ANXA4: variants seen among roughly 807,000 people sequenced by gnomAD.
ANXA4 encodes annexin A4.
Under a neutral mutation model 49.8 loss-of-function variants are expected in ANXA4, and 39 were observed. The observed-to-expected ratio is 0.78, with a 90% CI of 0.61 to 1.02. The LOEUF is 1.02. ANXA4 is among the 50% of genes least tolerant of loss of function. ANXA4 has a pLI of 0.00. For synonymous variants in ANXA4, 134 were observed against 152.5 expected (o/e 0.88, Z 0.89); for missense variants, 360 against 410.1 (o/e 0.88, Z 1.05).
At position 69,764,941 on chromosome 2, in the gene ANXA4, T is replaced by A. The variant is rs184815083; in HGVS notation, c.-46-16579T>A. On this transcript the variant is annotated intron_variant, in intron 1 of 12. Transcript: ENST00000394295. ...TATAAGTGGATTCATGTAGTATTCA[T>A]CCTTTTGTGACTGGCTTATTTCACT... Among the ~76,000 whole-genome samples the A allele has an allele frequency of 5.3e-5, 8 of 150,652 alleles. No individual in the cohort carries two copies. The East Asian group carries it at 1.6e-3, about 30-fold the overall frequency.
intron 12 of ANXA4, 30 bp downstream of exon 12, chr2:69,820,851 A>G: frequency 1.9e-6 from 3 of 1,608,978 alleles, no homozygotes; most frequent in South Asian, 1.1e-5. Flanking sequence ...GTCCAGAGTA[A>G]AGGATCCAGA....
At chr2:69,750,066 T>C (rs868158859) in intron 1 of ANXA4, among the ~76,000 whole-genome samples, 3 of 152,344 alleles carry the variant, frequency 2.0e-5, no homozygotes, top group South Asian at 2.1e-4. Context: ...CTTGTTGTTA[T>C]GTACTTATTT....
intron 1 of ANXA4, among the ~76,000 whole-genome samples, chr2:69,764,365 A>G (rs1191515089): frequency 2.0e-5 from 3 of 152,238 alleles, no homozygotes; most frequent in Non-Finnish European, 2.9e-5. Flanking sequence ...GAAACATGAT[A>G]TAACCCTAAC....
chr2:69,676,738 C>G (rs1447455504), intron 2 of ANXA4, among the ~76,000 whole-genome samples: 1 of 152,034 alleles, frequency 6.6e-6, no homozygotes, highest in African/African-American at 2.4e-5. Flanking sequence ...ACCAAAAATA[C>G]AAAAATTAGC....
intron 3 of ANXA4, among the ~76,000 whole-genome samples, chr2:69,733,955 A>ATT (rs903124243): frequency 5.8e-4 from 83 of 142,440 alleles, no homozygotes; most frequent in African/African-American, 2.0e-3. Context: ...GGGATGAGCT[A>ATT]TTTTTTTTTT....
intron 2 of ANXA4, among the ~76,000 whole-genome samples, chr2:69,719,538 T>C (rs6711807): frequency 0.43 from 65,449 of 151,140 alleles, 19,086 homozygotes; most frequent in African/African-American, 0.83. Context: ...CTCCCGGGTT[T>C]GAGTGATTCT....
chr2:69,653,672 C>T (rs1408943657), intron 2 of ANXA4, among the ~76,000 whole-genome samples: 1 of 152,214 alleles, frequency 6.6e-6, no homozygotes, highest in East Asian at 1.9e-4. Flanking sequence ...CTTGCCTAAG[C>T]TGAGAACTCT....
At chr2:69,758,675 G>A (rs894996696) in intron 1 of ANXA4, among the ~76,000 whole-genome samples, 4 of 152,066 alleles carry the variant, frequency 2.6e-5, no homozygotes, top group African/African-American at 9.7e-5. Flanking sequence ...TCAATTTTAC[G>A]CCTAAATATT....
intron 1 of ANXA4, among the ~76,000 whole-genome samples, chr2:69,767,731 A>G (rs535783419): frequency 1.3e-5 from 2 of 152,288 alleles, no homozygotes; most frequent in Non-Finnish European, 2.9e-5. Context: ...TCCATCAGAT[A>G]AGTCTGGAAG....
At chr2:69,645,139 T>A (rs899510980) in intron 1 of ANXA4, among the ~76,000 whole-genome samples, 1 of 152,142 alleles carries the variant, frequency 6.6e-6, no homozygotes, top group African/African-American at 2.4e-5. Context: ...GGGAAAAAAA[T>A]GGTTCTTGCT....
At chr2:69,682,708 A>C (rs1677641514) in intron 2 of ANXA4, among the ~76,000 whole-genome samples, 1 of 152,238 alleles carries the variant, frequency 6.6e-6, no homozygotes, top group African/African-American at 2.4e-5. Context: ...AAGTCACATT[A>C]CATCCCTATA....
chr2:69,788,445 C>T (rs1410524103), intron 3 of ANXA4, among the ~76,000 whole-genome samples: 1 of 152,166 alleles, frequency 6.6e-6, no homozygotes, highest in Non-Finnish European at 1.5e-5. Context: ...GAGGCTGAGG[C>T]AGGAGAATCA....
chr2:69,741,548 T>C (rs1372977393), upstream of ANXA4, among the ~76,000 whole-genome samples: 1 of 152,228 alleles, frequency 6.6e-6, no homozygotes, highest in Non-Finnish European at 1.5e-5. Flanking sequence ...CTGGAAACTT[T>C]TGGGAATGTG....
At chr2:69,790,560 T>C (rs1672648131) in intron 3 of ANXA4, among the ~76,000 whole-genome samples, 1 of 152,208 alleles carries the variant, frequency 6.6e-6, no homozygotes, top group Non-Finnish European at 1.5e-5. Context: ...GTTTGTTTGA[T>C]ACCTGTGAGC....
intron 3 of ANXA4, among the ~76,000 whole-genome samples, chr2:69,802,485 G>A (rs1673244897): frequency 6.6e-6 from 1 of 152,114 alleles, no homozygotes; most frequent in African/African-American, 2.4e-5. Flanking sequence ...GGCCTAGGTG[G>A]GCAGAGCACA....
At chr2:69,684,128 A>G (rs1405764532) in intron 2 of ANXA4, among the ~76,000 whole-genome samples, 3 of 152,230 alleles carry the variant, frequency 2.0e-5, no homozygotes, top group Non-Finnish European at 2.9e-5. Context: ...TTTTTCTCAA[A>G]AATTTTAAGA....
chr2:69,721,318 G>A (rs1669805868), intron 3 of ANXA4, among the ~76,000 whole-genome samples: 1 of 152,230 alleles, frequency 6.6e-6, no homozygotes, highest in Non-Finnish European at 1.5e-5. Context: ...AGGGTGGGTA[G>A]GCCTGTTAAT....
chr2:69,662,982 T>C (rs1676778071), intron 2 of ANXA4, among the ~76,000 whole-genome samples: 2 of 140,548 alleles, frequency 1.4e-5, no homozygotes, highest in African/African-American at 5.1e-5. Context: ...ATGTCCTGGT[T>C]TTTCTTTTTC....
chr2:69,687,082 G>A (rs1032583272), intron 2 of ANXA4, among the ~76,000 whole-genome samples: 6 of 152,232 alleles, frequency 3.9e-5, no homozygotes, highest in South Asian at 2.1e-4. Flanking sequence ...TTGCATGAGC[G>A]GTGAGATGAG....
Sources: allele counts gnomAD v4.1 joint callset (sites outside exome capture counted in the v4.1 genomes callset), GRCh38; gene constraint gnomAD v4.1.1; transcripts MANE v1.5; gene names NCBI Gene and HGNC (gene_info 2026-07-23, HGNC 2026-07-21).